PLIN3: variants seen among roughly 807,000 people sequenced by gnomAD.
PLIN3 encodes perilipin 3, also known as perilipin-3.
Under a neutral mutation model 35.9 loss-of-function variants are expected in PLIN3, and 30 were observed. The ratio of observed to expected loss-of-function variants is 0.84; its 90% confidence interval spans 0.62 to 1.13. PLIN3 has a LOEUF of 1.13. PLIN3 is among the 50% of genes most tolerant of loss of function. The pLI, the probability that PLIN3 is intolerant of heterozygous loss-of-function variation, is 0.00. For missense variants in PLIN3, 603 were observed against 596.9 expected, an observed-to-expected ratio of 1.01 and a Z score of -0.11; for synonymous variants, 261 against 262.5, an observed-to-expected ratio of 0.99 and a Z score of 0.06.
chr19:4,858,526 C>T (rs1335684991), intron 4 of PLIN3, among the ~76,000 whole-genome samples: 10 of 150,654 alleles, frequency 6.6e-5, no homozygotes, highest in African/African-American at 9.7e-5. Flanking sequence ...TACAGGCACA[C>T]GCCACCACGC....
intron 5 of PLIN3, 85 bp downstream of exon 5, chr19:4,851,931 C>T (rs865900681): frequency 2.9e-5 from 41 of 1,409,594 alleles, no homozygotes; most frequent in East Asian, 4.9e-5. Flanking sequence ...CAGTGAGTGT[C>T]GGCACAGACC....
At chr19:4,848,881 AATGAC>A (rs1405685494) in intron 5 of PLIN3, among the ~76,000 whole-genome samples, 2 of 152,114 alleles carry the variant, frequency 1.3e-5, no homozygotes, top group African/African-American at 4.8e-5. Flanking sequence ...AAAAGAGAAT[AATGAC>A]ATTTCAGCCA....
chr19:4,860,459 T>C (rs2030637715), intron 2 of PLIN3, among the ~76,000 whole-genome samples: 1 of 151,836 alleles, frequency 6.6e-6, no homozygotes, highest in African/African-American at 2.4e-5. Context: ...CACCTCAGCC[T>C]CCCAAAGTGC....
At chr19:4,861,245 C>T in intron 2 of PLIN3, 84 bp downstream of exon 2, 5 of 1,224,198 alleles carry the variant, frequency 4.1e-6, no homozygotes, top group Non-Finnish European at 6.0e-6. Flanking sequence ...TCCCTGGCTC[C>T]CTGCCAGGGC....
Position 4,847,890 on chromosome 19 carries a change from G to A in PLIN3, c.635C>T (p.Ala212Val). Residue 212 changes from alanine (A) to valine (V), a missense_variant and splice_region_variant, in exon 6 of 8, where the codon GCC (alanine) becomes GTC (valine). Ala to Val is a moderately conservative substitution (Grantham distance 64, BLOSUM62 0). Transcript: ENST00000221957. ...GCCATCCAGGGATGTGGCGATGCGGGCTGCAAGGAAAAGGAGAAGGGTCTC... is the reference window on the plus strand; with the variant it reads ...GCCATCCAGGGATGTGGCGATGCGGACTGCAAGGAAAAGGAGAAGGGTCTC... Reference protein sequence around the residue: ...NHLPLTDAELARIATSLDGFD... With the variant: ...NHLPLTDAELVRIATSLDGFD... 10 of 1,612,096 alleles carry A rather than the reference G, an allele frequency of 6.2e-6. No homozygotes were observed. Among genetic ancestry groups the A allele is most frequent in the Non-Finnish European group, 8.5e-6 (10 of 1,178,954 alleles).
chr19:4,866,481 C>G (rs1258064316), intron 1 of PLIN3, among the ~76,000 whole-genome samples: 1 of 152,144 alleles, frequency 6.6e-6, no homozygotes, highest in Non-Finnish European at 1.5e-5. Flanking sequence ...CGGGGAAGCT[C>G]AGATCCGTGC....
intron 5 of PLIN3, among the ~76,000 whole-genome samples, chr19:4,850,681 G>T (rs1270817841): frequency 4.3e-4 from 1 of 2,350 alleles, no homozygotes; most frequent in African/African-American, 2.6e-3. Context: ...TGATCCGCCC[G>T]GCCTTGGCCT....
At position 4,861,382 on chromosome 19, in the gene PLIN3, C is replaced by T. The variant is rs759892789; in HGVS notation, c.13G>A (p.Gly5Arg). The change falls in exon 2 of 8, where the codon GGG (glycine) becomes AGG (arginine). Residue 5 changes from glycine (G) to arginine (R), a missense_variant. Gly to Arg is a moderately radical substitution (Grantham distance 125). Transcript: ENST00000221957. ...TGGGTGCTGCCATCAGCCTCTGCCC[C>T]GTCGGCAGACATGGTCTCTGCAGCA... is the stretch of plus-strand genomic sequence containing the variant. The part of the protein sequence containing the change: MSAD[G>R]AEADGSTQVT... 1.1e-5 allele frequency: 18 copies of T among 1,612,952 alleles called. No homozygotes were observed. Among genetic ancestry groups the T allele is most frequent in the African/African-American group, 4.0e-5 (3 of 74,936 alleles).
chr19:4,845,694 G>T (rs1473019567), intron 6 of PLIN3, among the ~76,000 whole-genome samples: 2 of 152,064 alleles, frequency 1.3e-5, no homozygotes, highest in African/African-American at 4.8e-5. Flanking sequence ...GGAGGCCGAG[G>T]CGGGTGGATC....
intron 1 of PLIN3, among the ~76,000 whole-genome samples, chr19:4,864,028 G>A (rs2030761089): frequency 1.3e-5 from 2 of 151,274 alleles, no homozygotes; most frequent in Non-Finnish European, 2.9e-5. Flanking sequence ...TGTCTCCTAC[G>A]CTCAAGCAAT....
In PLIN3 at chr19:4,839,258, A is replaced by G; in HGVS notation, c.1239T>C (p.Pro413=). 1 of 1,613,256 alleles carries G rather than the reference A, an allele frequency of 6.2e-7. No homozygotes were observed. The highest frequency in any genetic ancestry group is 2.2e-5 in the East Asian group (1 of 44,830). The stretch of plus-strand genomic sequence containing the variant: ...CAAAGGGTCCCACGAGCCACGTGAC[A>G]GGTGTGTTCTGGGCCACATATTCCA... The part of the protein sequence containing the change: ...HMVEYVAQNT[P]VTWLVGPFAP... The change falls in exon 8 of 8, where the codon CCT becomes CCC. Residue 413 remains proline, a synonymous_variant. Transcript: ENST00000221957.
In PLIN3 at chr19:4,839,028, C is replaced by A; in HGVS notation, c.*164G>T. Reference sequence around the variant, plus strand: ...AGCTCAGAGAGGCTGAGAGATGGGTCAACTGGGTGATGCCCGTTTTGAGAG... The same window carrying A: ...AGCTCAGAGAGGCTGAGAGATGGGTAAACTGGGTGATGCCCGTTTTGAGAG... On this transcript the variant is annotated 3_prime_UTR_variant, in exon 8 of 8. Transcript: ENST00000221957. 1 of 547,896 alleles carries A rather than the reference C, an allele frequency of 1.8e-6. No individual in the cohort carries two copies. Among genetic ancestry groups the A allele is most frequent in the Non-Finnish European group, 3.2e-6 (1 of 311,736 alleles). 33.9% of individuals were successfully genotyped at this position (547,896 alleles called of 1,614,324 possible).
rs1444629762 is a variant in PLIN3, at chr19:4,861,332, C to A, written c.63G>T (p.Gln21His). ...CCTGGTCCCGGCCCTTCCTCACCTG[C>A]TGTACCGGTTCTTCCACTGTCACCT... ...STQVTVEEPV[Q>H]QPSVVDRVAS... Residue 21 changes from glutamine to histidine, a missense_variant, in exon 2 of 8, where the codon CAG becomes CAT. By Grantham distance (24) the Gln-to-His change is conservative. Coordinates refer to ENST00000221957, the MANE Select transcript of PLIN3 (RefSeq NM_005817.5). 2 of 1,613,480 alleles carry A rather than the reference C, an allele frequency of 1.2e-6. No individual in the cohort carries two copies. The highest frequency in any genetic ancestry group is 1.7e-6 in the Non-Finnish European group (2 of 1,179,698).
Position 4,856,094 on chromosome 19 carries a change from G to A in PLIN3, c.348+3496C>T, listed in dbSNP as rs140580174. 2.0e-4 allele frequency among the ~76,000 whole-genome samples: 30 copies of A among 152,182 alleles called. No homozygotes were observed. In the East Asian group the frequency reaches 4.5e-3, roughly 23 times the overall value. ...ATGAATAAGCTGCCTGTCCCTGCAG[G>A]TGGTCTCAGGGAAAGTCCAAGGATG... is the stretch of plus-strand genomic sequence containing the variant. On this transcript the variant is annotated intron_variant, in intron 4 of 7. Transcript: ENST00000221957.
At chr19:4,862,491 T>C (rs1024342316) in intron 1 of PLIN3, among the ~76,000 whole-genome samples, 7 of 151,960 alleles carry the variant, frequency 4.6e-5, no homozygotes, top group Non-Finnish European at 7.4e-5. Context: ...AACAATCCTC[T>C]TGCCTTGGAC....
At chr19:4,841,797 T>G (rs2029897894) in intron 7 of PLIN3, among the ~76,000 whole-genome samples, 2 of 142,708 alleles carry the variant, frequency 1.4e-5, no homozygotes, top group Admixed American at 7.4e-5. Flanking sequence ...CCTAGTTACT[T>G]AGGAGGCTGA....
In PLIN3 at chr19:4,857,024, C is replaced by T. The variant is rs550059322; in HGVS notation, c.348+2566G>A. On this transcript the variant is annotated intron_variant, in intron 4 of 7. Coordinates refer to ENST00000221957, the MANE Select transcript of PLIN3 (RefSeq NM_005817.5). ...CTGGTCTGTGCCTCATTTTTTCATC[C>T]CAGGCTGTTATAGGTTGAATTATGG... is the stretch of plus-strand genomic sequence containing the variant. Among the ~76,000 whole-genome samples the T allele has an allele frequency of 3.5e-3, 526 of 152,076 alleles. 4 individuals carry two copies. Among genetic ancestry groups the T allele is most frequent in the African/African-American group, 0.012 (502 of 41,496 alleles).
chr19:4,842,844 G>A (rs2029938810), intron 7 of PLIN3, among the ~76,000 whole-genome samples: 1 of 152,106 alleles, frequency 6.6e-6, no homozygotes, highest in African/African-American at 2.4e-5. Flanking sequence ...TGCATTTATA[G>A]AGATATTCAC....
At chr19:4,849,586 A>G (rs8110043) in intron 5 of PLIN3, among the ~76,000 whole-genome samples, 131,438 of 152,116 alleles carry the variant, frequency 0.86, 56,816 homozygotes, top group Admixed American at 0.91. Context: ...GTGAGCCACC[A>G]CGCCTGGCCT....
Sources: allele counts gnomAD v4.1 joint callset (sites outside exome capture counted in the v4.1 genomes callset), GRCh38; gene constraint gnomAD v4.1.1; transcripts MANE v1.5; gene names NCBI Gene and HGNC (gene_info 2026-07-23, HGNC 2026-07-21).